The following RFX2 variants were observed in gnomAD, a reference collection of about 807,000 sequenced individuals.
RFX2 encodes the protein DNA-binding protein RFX2.
Under a neutral mutation model 87.8 loss-of-function variants are expected in RFX2, and 20 were observed. That is an observed-to-expected ratio of 0.23 (90% confidence interval 0.16 to 0.33). RFX2 has a LOEUF of 0.33. Among genes scored for constraint, RFX2 ranks in the 10% least tolerant of loss-of-function variants. The pLI is 1.00. For missense variants in RFX2, 767 were observed against 1,012.3 expected (o/e 0.76, Z 3.29); for synonymous variants, 397 against 431.3 (o/e 0.92, Z 0.98).
chr19:6,044,149 T>A lies in RFX2; in HGVS notation c.180+44A>T. 8.2e-7 allele frequency: 1 copy of A among 1,222,468 alleles called. No individual in the cohort carries two copies. 75.7% of individuals were successfully genotyped at this position (1,222,468 alleles called of 1,614,324 possible). A position where few individuals can be genotyped will look rare whatever the true frequency, so the allele number is the denominator to read the frequency against. On this transcript the variant is annotated intron_variant, in intron 3 of 17. Coordinates refer to ENST00000303657, the MANE Select transcript of RFX2 (RefSeq NM_000635.4). The surrounding 1 kb of genome is among the most constrained non-coding windows in gnomAD (Gnocchi z 5.3). ...GAGATTGTTCTGGATTGCTGAGTGC[T>A]AACTGCGCCCCGGTTTGCACGGTGC... is the stretch of plus-strand genomic sequence containing the variant.
intron 1 of RFX2, among the ~76,000 whole-genome samples, chr19:6,081,485 G>A (rs2087784876): frequency 6.6e-6 from 1 of 152,218 alleles, no homozygotes; most frequent in Admixed American, 6.5e-5. Context: ...GAAAGTAAAT[G>A]ATGGCTTCTA....
In RFX2 at chr19:6,040,346, G is replaced by C. The variant is rs930965320; in HGVS notation, c.261-105C>G. 4 of 1,258,692 alleles carry C rather than the reference G, an allele frequency of 3.2e-6. No individual in the cohort carries two copies. In the African/African-American group the frequency reaches 4.5e-5, roughly 14 times the overall value. The allele number at this position is 1,258,692 out of a possible 1,614,324, so 78.0% of individuals were successfully genotyped here. On this transcript the variant is annotated intron_variant, in intron 4 of 17. Coordinates refer to ENST00000303657, the MANE Select transcript of RFX2 (RefSeq NM_000635.4). The surrounding 1 kb of genome is among the most constrained non-coding windows in gnomAD (Gnocchi z 6.1). ...CATCACGTAAAAGCTGCAACCCAGA[G>C]AGGCCAGACATATGGAGCAATTCGG...
chr19:6,035,748 T>C (rs1376593732), intron 5 of RFX2, among the ~76,000 whole-genome samples: 1 of 152,164 alleles, frequency 6.6e-6, no homozygotes, highest in East Asian at 1.9e-4. Flanking sequence ...CCTTGTTGGA[T>C]GTTCTTATGC....
At chr19:6,030,646 G>C (rs1191525188) in intron 5 of RFX2, among the ~76,000 whole-genome samples, 1 of 152,082 alleles carries the variant, frequency 6.6e-6, no homozygotes, top group African/African-American at 2.4e-5. Flanking sequence ...TTCCTTTCAG[G>C]GTGATGACGA....
chr19:6,034,487 A>G (rs140870504), intron 5 of RFX2, among the ~76,000 whole-genome samples: 2,837 of 152,168 alleles, frequency 0.019, 35 homozygotes, highest in Non-Finnish European at 0.029. Flanking sequence ...TCAGCCTCCC[A>G]AAGTGCTGGG....
At chr19:6,088,670 T>G (rs11879374) in intron 1 of RFX2, among the ~76,000 whole-genome samples, 12,210 of 152,240 alleles carry the variant, frequency 0.08, 527 homozygotes, top group Middle Eastern at 0.11. Context: ...AGCAAAAATA[T>G]GTTAAACACC....
chr19:6,075,168 T>C (rs557502388), intron 1 of RFX2, among the ~76,000 whole-genome samples: 1 of 152,214 alleles, frequency 6.6e-6, no homozygotes, highest in East Asian at 1.9e-4. Context: ...GAGATGTGTG[T>C]CTGTTGTTTA....
At chr19:6,097,340 T>C (rs2088044613) in intron 1 of RFX2, among the ~76,000 whole-genome samples, 1 of 152,044 alleles carries the variant, frequency 6.6e-6, no homozygotes, top group Admixed American at 6.6e-5. Flanking sequence ...GGCCCAACCC[T>C]TTCTGAAGCA....
At chr19:6,018,673 G>A (rs1361924863) in intron 6 of RFX2, among the ~76,000 whole-genome samples, 1 of 152,224 alleles carries the variant, frequency 6.6e-6, no homozygotes, top group Non-Finnish European at 1.5e-5. Flanking sequence ...TCCAAGGGGT[G>A]GGAAGAGTCA....
At chr19:6,014,260 G>C (rs2086695730) in intron 7 of RFX2, among the ~76,000 whole-genome samples, 1 of 151,938 alleles carries the variant, frequency 6.6e-6, no homozygotes, top group African/African-American at 2.4e-5. Flanking sequence ...TTTTGAGACA[G>C]TCTCACTCTG....
At position 6,026,286 on chromosome 19, in the gene RFX2, A is replaced by G. The variant is rs762715011; in HGVS notation, c.523-49T>C. 1 of 1,505,744 alleles carries G rather than the reference A, an allele frequency of 6.6e-7. No homozygotes were observed. Among genetic ancestry groups the G allele is most frequent in the Non-Finnish European group, 9.2e-7 (1 of 1,091,742 alleles). The allele number at this position is 1,505,744 out of a possible 1,614,324, so 93.3% of individuals were successfully genotyped here. A position where few individuals can be genotyped will look rare whatever the true frequency, so the allele number is the denominator to read the frequency against. The stretch of plus-strand genomic sequence containing the variant: ...AAAACAAAACAAAATGGAAAAAAAA[A>G]AAAAGGAAATCAGATGGTTAGCATC... On this transcript the variant is annotated intron_variant, in intron 5 of 17. Transcript: ENST00000303657. The surrounding 1 kb of genome is among the most constrained non-coding windows in gnomAD (Gnocchi z 4.5).
rs974353399 is a variant in RFX2 at position 6,020,832 on chromosome 19, C to T, written c.598-4561G>A. Among the ~76,000 whole-genome samples the T allele has an allele frequency of 2.0e-5, 3 of 152,238 alleles. No homozygotes were observed. The highest frequency in any genetic ancestry group is 7.2e-5 in the African/African-American group (3 of 41,460). ...ATATCAAACACAAATAAGCAGAACGCTTTCCAAGGAAATGTACATGTGTAC... is the reference window on the plus strand; with the variant it reads ...ATATCAAACACAAATAAGCAGAACGTTTTCCAAGGAAATGTACATGTGTAC... On this transcript the variant is annotated intron_variant, in intron 6 of 17. Transcript: ENST00000303657. The surrounding 1 kb of genome is among the most constrained non-coding windows in gnomAD (Gnocchi z 5.3).
At chr19:6,034,535 A>C (rs1325322406) in intron 5 of RFX2, among the ~76,000 whole-genome samples, 1 of 151,782 alleles carries the variant, frequency 6.6e-6, no homozygotes, top group Non-Finnish European at 1.5e-5. Flanking sequence ...CCAATTTTTA[A>C]GTTTTTTGTA....
intron 5 of RFX2, among the ~76,000 whole-genome samples, chr19:6,035,746 G>A (rs1315726811): frequency 1.3e-5 from 2 of 151,980 alleles, no homozygotes; most frequent in Non-Finnish European, 2.9e-5. Flanking sequence ...ATCCTTGTTG[G>A]ATGTTCTTAT....
rs1037403989 is a variant in RFX2, at chr19:6,050,708, A to T, written c.-8-3204T>A. Among the ~76,000 whole-genome samples, 1 of 152,206 alleles carries T rather than the reference A, an allele frequency of 6.6e-6. No individual in the cohort carries two copies. The highest frequency in any genetic ancestry group is 2.4e-5 in the African/African-American group (1 of 41,460). On this transcript the variant is annotated intron_variant, in intron 1 of 17. Transcript: ENST00000303657. The surrounding 1 kb of genome is among the most constrained non-coding windows in gnomAD (Gnocchi z 4.6). ...ATGAATAGAACAAACTGTCTAATAT[A>T]TATGTAACGAGAGTCCCAGAAGAGA...
At chr19:6,100,641 GT>G (rs2088107143) in intron 1 of RFX2, among the ~76,000 whole-genome samples, 1 of 152,126 alleles carries the variant, frequency 6.6e-6, no homozygotes, top group African/African-American at 2.4e-5. Flanking sequence ...GAAGGTGGAA[GT>G]TTCCTGACCG....
chr19:6,058,068 C>T (rs1458396038), intron 1 of RFX2, among the ~76,000 whole-genome samples: 1 of 152,130 alleles, frequency 6.6e-6, no homozygotes, highest in Non-Finnish European at 1.5e-5. Context: ...CCCTGTGGAC[C>T]CAGTTGGTTC....
rs2087165492 is a variant in RFX2 at position 6,044,810 on chromosome 19, G to A, written c.91-528C>T. Among the ~76,000 whole-genome samples the A allele has an allele frequency of 1.3e-5, 2 of 152,246 alleles. No individual in the cohort carries two copies. Among genetic ancestry groups the A allele is most frequent in the Non-Finnish European group, 2.9e-5 (2 of 68,048 alleles). On this transcript the variant is annotated intron_variant, in intron 2 of 17. Coordinates refer to ENST00000303657, the MANE Select transcript of RFX2 (RefSeq NM_000635.4). This position sits in a 1 kb window ranked among gnomAD's most constrained non-coding sequence, Gnocchi z 5.3. ...TTCTGATGAGGTTAATGAAGCCAGA[G>A]GGCTCAAGTGCTGCCTCTGGCTACA...
intron 1 of RFX2, among the ~76,000 whole-genome samples, chr19:6,105,950 A>G (rs1413903431): frequency 6.6e-6 from 1 of 152,186 alleles, no homozygotes; most frequent in Admixed American, 6.5e-5. Flanking sequence ...TGTACCCAGC[A>G]GGCAGCTGGA....
Sources: allele counts gnomAD v4.1 joint callset (sites outside exome capture counted in the v4.1 genomes callset), GRCh38; gene constraint gnomAD v4.1.1; non-coding constraint Gnocchi (gnomAD v3.1); transcripts MANE v1.5; gene names NCBI Gene and HGNC (gene_info 2026-07-23, HGNC 2026-07-21).